Variants in EYS observed in about 807,000 individuals in gnomAD.
EYS encodes the protein EGF-like photoreceptor maintenance factor, also known as protein eyes shut homolog.
A neutral mutation model predicts 282.1 loss-of-function variants in EYS; 250 were observed. That is an observed-to-expected ratio of 0.89 (90% CI 0.80 to 0.98). EYS has a LOEUF of 0.98. Among genes scored for constraint, EYS ranks in the 50% least tolerant of loss-of-function variants. EYS has a pLI of 0.00. For synonymous variants in EYS, 1,355 were observed against 1,282.9 expected, an observed-to-expected ratio of 1.06 and a Z score of -1.20; for missense variants, 4,016 against 3,709.0, an observed-to-expected ratio of 1.08 and a Z score of -2.15.
At chr6:65,265,825 GC>G (rs1443634499) in intron 12 of EYS, among the ~76,000 whole-genome samples, 1 of 151,776 alleles carries the variant, frequency 6.6e-6, no homozygotes, top group Non-Finnish European at 1.5e-5. Context: ...GCAAACTTAA[GC>G]CATTTAACCT....
At chr6:65,031,644 T>C in intron 13 of EYS, among the ~76,000 whole-genome samples, 1 of 151,914 alleles carries the variant, frequency 6.6e-6, no homozygotes, top group East Asian at 1.9e-4. Flanking sequence ...GAGTAAACAA[T>C]GAAAGTAAGG....
At chr6:64,565,196 C>CA (rs757992113) in intron 26 of EYS, among the ~76,000 whole-genome samples, 3 of 152,018 alleles carry the variant, frequency 2.0e-5, no homozygotes, top group Non-Finnish European at 2.9e-5. Flanking sequence ...TCATTTCATG[C>CA]AATCTCATCT....
At chr6:64,350,273 AT>A (rs1443567537) in intron 29 of EYS, among the ~76,000 whole-genome samples, 1 of 151,576 alleles carries the variant, frequency 6.6e-6, no homozygotes, top group Non-Finnish European at 1.5e-5. Flanking sequence ...AATATTTTAG[AT>A]AAATCTGAAA....
intron 5 of EYS, among the ~76,000 whole-genome samples, chr6:65,441,211 C>T (rs1294051821): frequency 1.3e-5 from 2 of 151,372 alleles, no homozygotes; most frequent in Non-Finnish European, 3.0e-5. Context: ...TAGCATAATA[C>T]TAAATTTTAT....
intron 35 of EYS, among the ~76,000 whole-genome samples, chr6:63,959,238 A>G (rs1765953406): frequency 6.6e-6 from 1 of 152,210 alleles, no homozygotes; most frequent in African/African-American, 2.4e-5. Flanking sequence ...GAAGACATCT[A>G]CGCAGCCAAC....
At chr6:64,470,060 T>A (rs895252956) in intron 26 of EYS, among the ~76,000 whole-genome samples, 1 of 152,156 alleles carries the variant, frequency 6.6e-6, no homozygotes, top group Non-Finnish European at 1.5e-5. Context: ...TCACTGGAGA[T>A]GGCTCACACT....
At chr6:65,395,085 C>G (rs1025876294) in intron 7 of EYS, among the ~76,000 whole-genome samples, 1 of 152,170 alleles carries the variant, frequency 6.6e-6, no homozygotes, top group African/African-American at 2.4e-5. Context: ...TGTTTTGAGA[C>G]AGAGTTTCGC....
chr6:65,018,448 T>C (rs1772130049), intron 13 of EYS, among the ~76,000 whole-genome samples: 1 of 152,212 alleles, frequency 6.6e-6, no homozygotes, highest in Non-Finnish European at 1.5e-5. Context: ...AAGTTTTCCC[T>C]TTTGTTAAGG....
At chr6:65,110,825 T>C (rs956883361) in intron 12 of EYS, among the ~76,000 whole-genome samples, 2 of 152,238 alleles carry the variant, frequency 1.3e-5, no homozygotes, top group South Asian at 2.1e-4. Context: ...TAAAAAATCA[T>C]TGAAGATTAA....
At chr6:63,812,390 T>A (rs1176436521) in intron 36 of EYS, among the ~76,000 whole-genome samples, 1 of 152,182 alleles carries the variant, frequency 6.6e-6, no homozygotes, top group Non-Finnish European at 1.5e-5. Context: ...ACCACCCTAT[T>A]AAAGTATTAA....
chr6:65,198,579 A>G (rs1002815104), intron 12 of EYS, among the ~76,000 whole-genome samples: 106 of 152,084 alleles, frequency 7.0e-4, no homozygotes, highest in African/African-American at 2.6e-3. Flanking sequence ...CAATTTCACT[A>G]TGCAATACAT....
At chr6:64,518,439 C>T (rs1355525993) in intron 26 of EYS, among the ~76,000 whole-genome samples, 1 of 151,582 alleles carries the variant, frequency 6.6e-6, no homozygotes, top group East Asian at 1.9e-4. Context: ...GATTTCATAC[C>T]GTAAGTTGAA....
intron 12 of EYS, among the ~76,000 whole-genome samples, chr6:65,135,572 A>G (rs957946797): frequency 6.6e-6 from 1 of 152,062 alleles, no homozygotes; most frequent in Non-Finnish European, 1.5e-5. Flanking sequence ...AAAATTATTT[A>G]TAGATGGTTT....
intron 22 of EYS, among the ~76,000 whole-genome samples, chr6:64,722,063 C>CATA (rs1232389508): frequency 2.0e-5 from 3 of 151,982 alleles, no homozygotes; most frequent in Admixed American, 1.3e-4. Context: ...AATGTTTCAA[C>CATA]ATAATAAACT....
intron 31 of EYS, among the ~76,000 whole-genome samples, chr6:64,179,513 G>A (rs113140739): frequency 2.4e-4 from 37 of 152,054 alleles, no homozygotes; most frequent in African/African-American, 7.0e-4. Flanking sequence ...ATATTCACAC[G>A]GCTTCAATAT....
At chr6:64,932,736 A>C (rs1768767262) in intron 15 of EYS, among the ~76,000 whole-genome samples, 3 of 152,000 alleles carry the variant, frequency 2.0e-5, no homozygotes, top group Non-Finnish European at 4.4e-5. Context: ...ACACACACAG[A>C]GTCCTTTAGT....
intron 12 of EYS, among the ~76,000 whole-genome samples, chr6:65,201,360 C>T (rs960729636): frequency 1.3e-5 from 2 of 152,094 alleles, no homozygotes; most frequent in African/African-American, 2.4e-5. Context: ...ACTAAAAGGA[C>T]ACATATACAA....
intron 2 of EYS, among the ~76,000 whole-genome samples, chr6:65,601,536 G>A (rs925156697): frequency 6.6e-6 from 1 of 151,840 alleles, no homozygotes; most frequent in African/African-American, 2.4e-5. Context: ...AATGGGTCCT[G>A]TCAATCAATG....
chr6:64,719,913 A>G (rs955323548), intron 22 of EYS, among the ~76,000 whole-genome samples: 1 of 152,174 alleles, frequency 6.6e-6, no homozygotes, highest in Non-Finnish European at 1.5e-5. Context: ...AAATAAATAA[A>G]TAGTATGTCA....
Sources: gnomAD v4.1 joint callset for allele counts (sites outside exome capture counted in the v4.1 genomes callset) on GRCh38, gnomAD v4.1.1 for gene constraint, MANE v1.5 for transcripts, NCBI Gene and HGNC (gene_info 2026-07-23, HGNC 2026-07-21) for gene names.